GPR137B: variants seen among roughly 807,000 people sequenced by gnomAD.
GPR137B encodes the protein integral membrane protein GPR137B.
In GPR137B, 42 loss-of-function variants were observed where a neutral mutation model predicts 42.5. The observed-to-expected ratio is 0.99, with a 90% CI of 0.77 to 1.28. The LOEUF (loss-of-function observed/expected upper bound fraction) is 1.28. GPR137B is among the 50% of genes most tolerant of loss of function. The pLI is 0.00. For missense variants in GPR137B, 487 were observed against 493.9 expected (o/e 0.99, Z 0.13); for synonymous variants, 218 against 209.7 (o/e 1.04, Z -0.34).
At chr1:236,204,187 A>ATTCT (rs1327670431) in intron 5 of GPR137B, among the ~76,000 whole-genome samples, 1 of 152,146 alleles carries the variant, frequency 6.6e-6, no homozygotes, top group African/African-American at 2.4e-5. Flanking sequence ...TTTATCTTTC[A>ATTCT]TTCTGTTAAC....
intron 2 of GPR137B, among the ~76,000 whole-genome samples, chr1:236,174,458 G>A (rs1662628537): frequency 6.6e-6 from 1 of 152,160 alleles, no homozygotes; most frequent in African/African-American, 2.4e-5. Flanking sequence ...ATGCGGGGTG[G>A]GGCTTTAGGG....
chr1:236,143,144 T>C, intron 1 of GPR137B, 108 bp downstream of exon 1: 2 of 954,814 alleles, frequency 2.1e-6, no homozygotes, highest in Non-Finnish European at 3.2e-6. Flanking sequence ...GCCCTAGGGC[T>C]GAGAGTGTAG....
chr1:236,186,500 C>A (rs12408980), intron 5 of GPR137B, among the ~76,000 whole-genome samples: 45,465 of 140,942 alleles, frequency 0.32, 8,348 homozygotes, highest in East Asian at 0.61. Context: ...TCCCCACCCC[C>A]CTACAGGCCC....
In GPR137B at chr1:236,198,974, C is replaced by G. The variant is rs1925365; in HGVS notation, c.967-6152C>G. Among the ~76,000 whole-genome samples the G allele has an allele frequency of 7.5e-3, 1,147 of 152,146 alleles. 11 individuals are homozygous for G. Among genetic ancestry groups the G allele is most frequent in the South Asian group, 0.026 (123 of 4,814 alleles). On this transcript the variant is annotated intron_variant, in intron 5 of 6. Transcript: ENST00000366592. ...TGAAAGAGGGTTTCCTTGTCTTGTT[C>G]CATTTCTCAGGTGGAATGCTTTCAA...
At chr1:236,187,608 T>G (rs370463796) in intron 5 of GPR137B, among the ~76,000 whole-genome samples, 2 of 152,308 alleles carry the variant, frequency 1.3e-5, no homozygotes, top group East Asian at 3.9e-4. Context: ...ATTGCTTGTT[T>G]GTGTCAGGTT....
chr1:236,160,022 C>A (rs149037757), intron 1 of GPR137B, among the ~76,000 whole-genome samples: 92 of 152,322 alleles, frequency 6.0e-4, no homozygotes, highest in Middle Eastern at 3.4e-3. Context: ...GCGTCATCCC[C>A]AGATCTATTC....
At chr1:236,193,447 C>T (rs1333753464) in intron 5 of GPR137B, among the ~76,000 whole-genome samples, 1 of 152,006 alleles carries the variant, frequency 6.6e-6, no homozygotes, top group Non-Finnish European at 1.5e-5. Context: ...TGAAAAACTG[C>T]CAGACTATTT....
intron 5 of GPR137B, among the ~76,000 whole-genome samples, chr1:236,199,364 T>G (rs1663431289): frequency 6.6e-6 from 1 of 152,176 alleles, no homozygotes; most frequent in African/African-American, 2.4e-5. Flanking sequence ...TTTTGCTATG[T>G]CCTTTCCTGG....
At chr1:236,203,669 T>G (rs1482461136) in intron 5 of GPR137B, among the ~76,000 whole-genome samples, 1 of 152,196 alleles carries the variant, frequency 6.6e-6, no homozygotes, top group Non-Finnish European at 1.5e-5. Flanking sequence ...TATTTTTCCA[T>G]TTTTTGGTGT....
intron 6 of GPR137B, 133 bp from the exon 7 acceptor site, chr1:236,207,917 T>C (rs1282042001): frequency 6.2e-6 from 4 of 644,040 alleles, no homozygotes; most frequent in African/African-American, 1.8e-5. Flanking sequence ...AAATGGACTT[T>C]AAGAGCCATT....
At chr1:236,176,609 T>C (rs1255887737) in intron 2 of GPR137B, among the ~76,000 whole-genome samples, 1 of 152,066 alleles carries the variant, frequency 6.6e-6, no homozygotes, top group East Asian at 1.9e-4. Flanking sequence ...CCCCAGAAAG[T>C]TGTTTAATTC....
At chr1:236,180,149 T>TGTA (rs1210483054) in intron 4 of GPR137B, 121 bp downstream of exon 4, 4 of 747,020 alleles carry the variant, frequency 5.4e-6, no homozygotes, top group African/African-American at 3.5e-5. Context: ...TATAAAATGG[T>TGTA]GTAGTATCTG....
At chr1:236,145,322 A>C (rs1322803088) in intron 1 of GPR137B, among the ~76,000 whole-genome samples, 1 of 152,204 alleles carries the variant, frequency 6.6e-6, no homozygotes, top group Non-Finnish European at 1.5e-5. Flanking sequence ...TTTAAGAATG[A>C]CTGTTGCTTG....
At position 236,191,332 on chromosome 1, in the gene GPR137B, C is replaced by T. The variant is rs185535120; in HGVS notation, c.966+7426C>T. Among the ~76,000 whole-genome samples, 598 of 152,250 alleles carry T rather than the reference C, an allele frequency of 3.9e-3. 4 individuals carry two copies. Among genetic ancestry groups the T allele is most frequent in the African/African-American group, 0.014 (562 of 41,546 alleles). On this transcript the variant is annotated intron_variant, in intron 5 of 6. Coordinates refer to ENST00000366592, the MANE Select transcript of GPR137B (RefSeq NM_003272.4). Reference sequence around the variant, plus strand: ...GTTTATTATTACCCACCTTCTGAAGCGTACTTCTGTCAGTTCATCAAACTC... The same window carrying T: ...GTTTATTATTACCCACCTTCTGAAGTGTACTTCTGTCAGTTCATCAAACTC...
chr1:236,174,765 C>T (rs1191581823), intron 2 of GPR137B, among the ~76,000 whole-genome samples: 3 of 151,982 alleles, frequency 2.0e-5, no homozygotes, highest in African/African-American at 4.8e-5. Flanking sequence ...GAGAATCGCT[C>T]GAGCCCAGGA....
At chr1:236,205,953 A>T (rs751497511) in intron 6 of GPR137B, among the ~76,000 whole-genome samples, 1 of 152,244 alleles carries the variant, frequency 6.6e-6, no homozygotes, top group Non-Finnish European at 1.5e-5. Flanking sequence ...ATGGAACATG[A>T]TATCTTTAAT....
At chr1:236,145,452 G>A (rs564489015) in intron 1 of GPR137B, among the ~76,000 whole-genome samples, 59 of 152,274 alleles carry the variant, frequency 3.9e-4, no homozygotes, top group Non-Finnish European at 6.6e-4. Context: ...TCCGCCTCCC[G>A]GGTTCAAATG....
At chr1:236,175,627 T>C (rs930368811) in intron 2 of GPR137B, among the ~76,000 whole-genome samples, 4 of 152,118 alleles carry the variant, frequency 2.6e-5, no homozygotes, top group Non-Finnish European at 2.9e-5. Flanking sequence ...TGCCTTTGTC[T>C]CTCTCCACAG....
chr1:236,208,170 A>G lies in GPR137B; in HGVS notation c.*12A>G, dbSNP rs1344732171. The G allele has an allele frequency of 4.3e-6, 7 of 1,612,786 alleles. No homozygotes were observed. Among genetic ancestry groups the G allele is most frequent in the African/African-American group, 1.3e-5 (1 of 74,910 alleles). On this transcript the variant is annotated 3_prime_UTR_variant, in exon 7 of 7. Coordinates refer to ENST00000366592, the MANE Select transcript of GPR137B (RefSeq NM_003272.4). ...CAAGCCTTGGGTAGCATCAGTTAAC[A>G]GTTTTATGGACGATTCCTCAGATGA... is the stretch of plus-strand genomic sequence containing the variant.
Sources: gnomAD v4.1 joint callset for allele counts (sites outside exome capture counted in the v4.1 genomes callset) on GRCh38, gnomAD v4.1.1 for gene constraint, MANE v1.5 for transcripts, NCBI Gene and HGNC (gene_info 2026-07-23, HGNC 2026-07-21) for gene names.